ADGRB3: variants seen among roughly 807,000 people sequenced by gnomAD.
ADGRB3 encodes the protein adhesion G protein-coupled receptor B3.
In ADGRB3, 37 loss-of-function variants were observed where a neutral mutation model predicts 193.4. That is an observed-to-expected ratio of 0.19 (90% CI 0.15 to 0.25). The LOEUF (loss-of-function observed/expected upper bound fraction) is 0.25, where lower values mean the gene tolerates loss of function less well. Among genes scored for constraint, ADGRB3 ranks in the 10% least tolerant of loss-of-function variants. The pLI is 1.00. For synonymous variants in ADGRB3, 690 were observed against 644.2 expected (o/e 1.07, Z -1.08); for missense variants, 1,637 against 1,852.9 (o/e 0.88, Z 2.14).
intron 17 of ADGRB3, among the ~76,000 whole-genome samples, chr6:69,112,631 T>C (rs762703510): frequency 1.3e-5 from 2 of 152,118 alleles, no homozygotes; most frequent in Non-Finnish European, 2.9e-5. Context: ...TCCACATCCA[T>C]TGATTCAACC....
At chr6:69,102,177 C>CAAAAAA (rs777752874) in intron 17 of ADGRB3, among the ~76,000 whole-genome samples, 1 of 91,116 alleles carries the variant, frequency 1.1e-5, no homozygotes, top group African/African-American at 5.3e-5. Context: ...GACTCCGTCT[C>CAAAAAA]AAAAAAAAAA....
At chr6:69,131,840 T>C (rs1774021138) in intron 17 of ADGRB3, among the ~76,000 whole-genome samples, 1 of 149,582 alleles carries the variant, frequency 6.7e-6, no homozygotes, top group African/African-American at 2.4e-5. Context: ...TGTTTTCTCA[T>C]TGTTCATCTC....
At chr6:68,761,037 A>G (rs1766385923) in intron 3 of ADGRB3, among the ~76,000 whole-genome samples, 1 of 152,208 alleles carries the variant, frequency 6.6e-6, no homozygotes, top group Non-Finnish European at 1.5e-5. Context: ...GGAAAAATTA[A>G]GTTGATTCTG....
At chr6:68,821,889 A>G (rs1470635131) in intron 3 of ADGRB3, among the ~76,000 whole-genome samples, 1 of 152,010 alleles carries the variant, frequency 6.6e-6, no homozygotes, top group Non-Finnish European at 1.5e-5. Flanking sequence ...TATACATAGT[A>G]TGCGTTTGAC....
chr6:68,772,888 AAAAAAAATATATATATATATATATATAT>A (rs1766655688), intron 3 of ADGRB3, among the ~76,000 whole-genome samples: 36 of 51,924 alleles, frequency 6.9e-4, no homozygotes, highest in African/African-American at 3.2e-3. Flanking sequence ...CAAACAAAAA[AAAAAAAATATATATATATATATATATAT>A]ATATATATAT....
chr6:68,649,569 AC>A (rs1351676674), intron 3 of ADGRB3, among the ~76,000 whole-genome samples: 3 of 152,306 alleles, frequency 2.0e-5, no homozygotes, highest in African/African-American at 7.2e-5. Context: ...TCTCAAAAAA[AC>A]GATTGATTTT....
chr6:69,073,869 C>T (rs1772150681), intron 16 of ADGRB3, among the ~76,000 whole-genome samples: 1 of 152,190 alleles, frequency 6.6e-6, no homozygotes, highest in African/African-American at 2.4e-5. Context: ...TCATGGCCGA[C>T]CTCCGCCCCA....
chr6:69,207,202 C>G (rs1454554442), intron 17 of ADGRB3, among the ~76,000 whole-genome samples: 2 of 152,102 alleles, frequency 1.3e-5, no homozygotes, highest in East Asian at 3.9e-4. Context: ...ACTAAGACCT[C>G]TAGGCCAGCA....
At chr6:69,058,720 G>A (rs1265403991) in intron 15 of ADGRB3, among the ~76,000 whole-genome samples, 1 of 152,004 alleles carries the variant, frequency 6.6e-6, no homozygotes, top group Non-Finnish European at 1.5e-5. Flanking sequence ...GTTCAAAAGT[G>A]TGCTGTTTGA....
chr6:68,756,202 C>T (rs1766296163), intron 3 of ADGRB3, among the ~76,000 whole-genome samples: 1 of 152,094 alleles, frequency 6.6e-6, no homozygotes, highest in Non-Finnish European at 1.5e-5. Flanking sequence ...CTGTATATAA[C>T]TTCCACTTAA....
rs150978344 is a variant in ADGRB3, at chr6:69,312,892, G to A, written c.2815-11980G>A. On this transcript the variant is annotated intron_variant, in intron 20 of 31. Coordinates refer to ENST00000370598, the MANE Select transcript of ADGRB3 (RefSeq NM_001704.3). ...CTAAGTCTAGATAAATTACTGTAAC[G>A]GGTTGAGAATATGTATGAATTGTTA... Among the ~76,000 whole-genome samples the A allele has an allele frequency of 9.7e-3, 1,478 of 151,804 alleles. 12 individuals are homozygous for A. Among genetic ancestry groups the A allele is most frequent in the Non-Finnish European group, 0.014 (977 of 67,802 alleles).
intron 13 of ADGRB3, among the ~76,000 whole-genome samples, chr6:69,020,627 A>T (rs1340158745): frequency 6.6e-6 from 1 of 152,014 alleles, no homozygotes; most frequent in African/African-American, 2.4e-5. Flanking sequence ...TTGCCTGAGG[A>T]TAGTGTGATT....
chr6:68,879,627 C>T (rs959005342), intron 3 of ADGRB3, among the ~76,000 whole-genome samples: 2 of 152,074 alleles, frequency 1.3e-5, no homozygotes, highest in African/African-American at 4.8e-5. Context: ...AGAAAAAAAG[C>T]ATGTGTGTGT....
rs573122696 is a variant in ADGRB3 at position 68,780,215 on chromosome 6, A to C, written c.757+140783A>C. ...TGAGAATGAAACTGCTATTTGTCCCACTATTTTCTTCTTTGTCTAGTCTCA... is the reference window on the plus strand; with the variant it reads ...TGAGAATGAAACTGCTATTTGTCCCCCTATTTTCTTCTTTGTCTAGTCTCA... On this transcript the variant is annotated intron_variant, in intron 3 of 31. Transcript: ENST00000370598. Among the ~76,000 whole-genome samples the C allele has an allele frequency of 7.3e-3, 1,110 of 152,112 alleles. 7 individuals carry two copies. Among genetic ancestry groups the C allele is most frequent in the Non-Finnish European group, 0.012 (810 of 67,962 alleles).
intron 20 of ADGRB3, among the ~76,000 whole-genome samples, chr6:69,251,396 T>G (rs1766616527): frequency 1.3e-5 from 2 of 152,310 alleles, no homozygotes; most frequent in South Asian, 4.1e-4. Flanking sequence ...TACTTTACTT[T>G]GTAATCTTAT....
At chr6:69,383,720 C>T (rs1234066439) in intron 31 of ADGRB3, among the ~76,000 whole-genome samples, 1 of 151,956 alleles carries the variant, frequency 6.6e-6, no homozygotes, top group Admixed American at 6.6e-5. Flanking sequence ...GTATATCTTC[C>T]GTCATTACAA....
At chr6:69,120,971 A>G (rs1375455866) in intron 17 of ADGRB3, among the ~76,000 whole-genome samples, 1 of 147,122 alleles carries the variant, frequency 6.8e-6, no homozygotes, top group Non-Finnish European at 1.5e-5. Flanking sequence ...TTCGATATGA[A>G]TTTGTTTCTC....
chr6:68,736,576 A>G (rs1468277874), intron 3 of ADGRB3, among the ~76,000 whole-genome samples: 1 of 152,118 alleles, frequency 6.6e-6, no homozygotes, highest in East Asian at 1.9e-4. Flanking sequence ...AGAGAGACTG[A>G]AGCTGGAAAG....
chr6:69,010,465 AAT>A (rs879892902), intron 11 of ADGRB3, among the ~76,000 whole-genome samples: 3 of 152,102 alleles, frequency 2.0e-5, no homozygotes, highest in Non-Finnish European at 2.9e-5. Flanking sequence ...GTCATAAAAA[AAT>A]ATATAACATA....
Sources: gnomAD v4.1 joint callset for allele counts (sites outside exome capture counted in the v4.1 genomes callset) on GRCh38, gnomAD v4.1.1 for gene constraint, MANE v1.5 for transcripts, NCBI Gene and HGNC (gene_info 2026-07-23, HGNC 2026-07-21) for gene names.